The following SLC6A8 variants were observed in gnomAD, a reference collection of about 807,000 sequenced individuals.
SLC6A8 encodes solute carrier family 6 member 8, also known as sodium- and chloride-dependent creatine transporter 1.
Under a neutral mutation model 48.3 loss-of-function variants are expected in SLC6A8, and 6 were observed. The ratio of observed to expected loss-of-function variants is 0.12; its 90% confidence interval spans 0.07 to 0.25. SLC6A8 has a LOEUF of 0.25. SLC6A8 is among the 10% of genes least tolerant of loss of function. SLC6A8 has a pLI of 1.00. For synonymous variants in SLC6A8, 245 were observed against 244.0 expected (o/e 1.00, Z -0.04); for missense variants, 260 against 551.5 (o/e 0.47, Z 5.29).
chrX:153,695,585 A>G lies in SLC6A8; in HGVS notation c.*371A>G, dbSNP rs782443363. 4.6e-6 allele frequency: 1 copy of G among 218,288 alleles called. No homozygotes were observed. The highest frequency in any genetic ancestry group is 8.0e-5 in the South Asian group (1 of 12,568). The allele number at this position is 218,288 out of a possible 1,213,427, so 18.0% of individuals were successfully genotyped here. Reference sequence around the variant, plus strand: ...ACCCGTGGGTGACCCCTCACCCCAGAAGCAGCAGTGGCAGCTTGGGAAATG... The same window carrying G: ...ACCCGTGGGTGACCCCTCACCCCAGGAGCAGCAGTGGCAGCTTGGGAAATG... On this transcript the variant is annotated 3_prime_UTR_variant, in exon 13 of 13. Coordinates refer to ENST00000253122, the MANE Select transcript of SLC6A8 (RefSeq NM_005629.4).
intron 8 of SLC6A8, 54 bp downstream of exon 8, chrX:153,694,071 C>A (rs781912856): frequency 9.2e-6 from 11 of 1,198,265 alleles, no homozygotes; most frequent in Non-Finnish European, 7.9e-6. Context: ...GGGAGGGCTG[C>A]AGGCAAGGAA....
At chrX:153,689,084 C>G (rs2091440301) in intron 1 of SLC6A8, 1 of 120,404 alleles carries the variant, frequency 8.3e-6, no homozygotes, top group African/African-American at 3.2e-5. Context: ...GCCCCCCAGA[C>G]TCCCGGGCTG....
At position 153,695,947 on chromosome X, in the gene SLC6A8, G is replaced by C. The variant is rs1350998008; in HGVS notation, c.*733G>C. ...TTGCACATTTTATAAAAACTTGAGAGAATGAGATTTCTGCTTGTATATTTC... is the reference window on the plus strand; with the variant it reads ...TTGCACATTTTATAAAAACTTGAGACAATGAGATTTCTGCTTGTATATTTC... On this transcript the variant is annotated 3_prime_UTR_variant, in exon 13 of 13. Transcript: ENST00000253122. 1 of 125,199 alleles carries C rather than the reference G, an allele frequency of 8.0e-6. No homozygotes were observed. Among genetic ancestry groups the C allele is most frequent in the South Asian group, 2.7e-4 (1 of 3,723 alleles). 10.3% of individuals were successfully genotyped at this position (125,199 alleles called of 1,213,427 possible).
At position 153,690,451 on chromosome X, in the gene SLC6A8, C is replaced by A; in HGVS notation, c.339C>A (p.Gly113=). Residue 113 remains glycine (G), a synonymous_variant, in exon 2 of 13, where the codon GGC becomes GGA. Transcript: ENST00000253122. The part of the protein sequence containing the change: ...IPIFFLEISL[G]QFMKAGSINV... ...TTTTCTTCTTAGAGATCTCGCTGGG[C>A]CAGTTCATGAAGGCCGGCAGCATCA... 2 of 1,193,612 alleles carry A rather than the reference C, an allele frequency of 1.7e-6. No individual in the cohort carries two copies. Among genetic ancestry groups the A allele is most frequent in the South Asian group, 1.8e-5 (1 of 54,486 alleles).
rs1557044333 is a variant in SLC6A8 at position 153,690,902 on chromosome X, C to CCA, written c.394+397_394+398insAC. On this transcript the variant is annotated intron_variant, in intron 2 of 12. Coordinates refer to ENST00000253122, the MANE Select transcript of SLC6A8 (RefSeq NM_005629.4). ...CTCAGGCGACTAGAAACCCCCCCCCCCCACCACCACCATCAACACCAGCTG... is the reference window on the plus strand; with the variant it reads ...CTCAGGCGACTAGAAACCCCCCCCCCCACCACCACCACCATCAACACCAGCTG... 3.8e-4 allele frequency: 91 copies of CCA among 236,879 alleles called. 3 individuals are homozygous for CCA. The highest frequency in any genetic ancestry group is 1.6e-3 in the African/African-American group (48 of 30,093). 19.5% of individuals were successfully genotyped at this position (236,879 alleles called of 1,213,427 possible).
In SLC6A8 at chrX:153,696,287, G is replaced by C; in HGVS notation, c.*1073G>C. 1 of 314,677 alleles carries C rather than the reference G, an allele frequency of 3.2e-6. No homozygotes were observed. The highest frequency in any genetic ancestry group is 2.8e-5 in the South Asian group (1 of 35,794). The allele number at this position is 314,677 out of a possible 1,213,427, so 25.9% of individuals were successfully genotyped here. A position where few individuals can be genotyped will look rare whatever the true frequency, so the allele number is the denominator to read the frequency against. Reference sequence around the variant, plus strand: ...GGTGTCTGGGCTGCTAACCTGGCCTGCTCAGGCTTCCCACCCTGTGCGGGG... The same window carrying C: ...GGTGTCTGGGCTGCTAACCTGGCCTCCTCAGGCTTCCCACCCTGTGCGGGG... On this transcript the variant is annotated 3_prime_UTR_variant, in exon 13 of 13. Transcript: ENST00000253122.
intron 3 of SLC6A8, 136 bp from the exon 4 acceptor site, chrX:153,691,839 C>A (rs2091457927): frequency 1.3e-6 from 1 of 746,647 alleles, no homozygotes. Context: ...GGGCTCCAGG[C>A]CCAGCCCAAT....
chrX:153,694,904 C>A lies in SLC6A8; in HGVS notation c.1767+15C>A, dbSNP rs370331295. 2.6e-6 allele frequency: 3 copies of A among 1,132,327 alleles called. No homozygotes were observed. Among genetic ancestry groups the A allele is most frequent in the Non-Finnish European group, 3.6e-6 (3 of 843,402 alleles). The allele number at this position is 1,132,327 out of a possible 1,213,427, so 93.3% of individuals were successfully genotyped here. Reference sequence around the variant, plus strand: ...CCATGGCTGAGGTAAGGCTCCCGCCCGGCCCGCCCTCCCCTCCCCTGCTGT... The same window carrying A: ...CCATGGCTGAGGTAAGGCTCCCGCCAGGCCCGCCCTCCCCTCCCCTGCTGT... On this transcript the variant is annotated intron_variant, in intron 12 of 12. Transcript: ENST00000253122.
chrX:153,688,599 G>C lies in SLC6A8; in HGVS notation c.25G>C (p.Gly9Arg). ...CATGGCGAAGAAGAGCGCCGAGAAC[G>C]GCATCTATAGCGTGTCCGGCGACGA... MAKKSAENGIYSVSGDEKK... is the reference protein window; with the variant it reads MAKKSAENRIYSVSGDEKK... The change falls in exon 1 of 13, where the codon GGC (glycine) becomes CGC (arginine). Residue 9 changes from glycine to arginine, a missense_variant. By Grantham distance (125) the Gly-to-Arg change is moderately radical. Transcript: ENST00000253122. The C allele has an allele frequency of 9.4e-7, 1 of 1,059,338 alleles. No individual in the cohort carries two copies. The highest frequency in any genetic ancestry group is 1.2e-6 in the Non-Finnish European group (1 of 816,153). The allele number at this position is 1,059,338 out of a possible 1,213,427, so 87.3% of individuals were successfully genotyped here.
Position 153,690,490 on chromosome X carries a change from C to A in SLC6A8, c.378C>A (p.Ile126=). 1.7e-6 allele frequency: 2 copies of A among 1,185,654 alleles called. No individual in the cohort carries two copies. Among genetic ancestry groups the A allele is most frequent in the Non-Finnish European group, 2.3e-6 (2 of 881,075 alleles). ...MKAGSINVWN[I]CPLFKGLGYA... is the part of the protein sequence containing the mutation. ...CCGGCAGCATCAATGTCTGGAACAT[C>A]TGTCCCCTGTTCAAAGGTGAGCAGC... The change falls in exon 2 of 13, where the codon ATC becomes ATA. Residue 126 remains isoleucine, a synonymous_variant. Transcript: ENST00000253122.
In SLC6A8 at chrX:153,694,832, G is replaced by A. The variant is rs782662808; in HGVS notation, c.1710G>A (p.Leu570=). 2.1e-5 allele frequency: 25 copies of A among 1,208,160 alleles called. No individual in the cohort carries two copies. Among genetic ancestry groups the A allele is most frequent in the Admixed American group, 1.1e-4 (5 of 45,892 alleles). Residue 570 remains leucine, a synonymous_variant, in exon 12 of 13, where the codon CTG becomes CTA. Transcript: ENST00000253122. ...GGGCCTTCGCCCTGTCCTCCATGCTGTGCGTGCCGCTGCACCTCCTGGGCT... is the reference window on the plus strand; with the variant it reads ...GGGCCTTCGCCCTGTCCTCCATGCTATGCGTGCCGCTGCACCTCCTGGGCT... ...MGWAFALSSM[L]CVPLHLLGCL... is the part of the protein sequence containing the mutation.
At chrX:153,691,182 C>G in intron 2 of SLC6A8, 122 bp from the exon 3 acceptor site, 1 of 843,435 alleles carries the variant, frequency 1.2e-6, no homozygotes, top group Non-Finnish European at 1.7e-6. Context: ...TCAGGAGCAC[C>G]ACAAACAAGG....
rs782361856 is a variant in SLC6A8 at position 153,694,578 on chromosome X, G to A, written c.1541G>A (p.Arg514Gln). The A allele has an allele frequency of 9.1e-6, 11 of 1,204,162 alleles. No individual in the cohort carries two copies. The highest frequency in any genetic ancestry group is 3.0e-5 in the East Asian group (1 of 33,262). The change falls in exon 11 of 13, where the codon CGA becomes CAA. Residue 514 changes from arginine (R) to glutamine (Q), a missense_variant. Coordinates refer to ENST00000253122, the MANE Select transcript of SLC6A8 (RefSeq NM_005629.4). ...GACATTGCCTGTATGATCGGGTACC[G>A]ACCTTGCCCCTGGATGAAATGGTGC... is the stretch of plus-strand genomic sequence containing the variant. ...MDDIACMIGY[R>Q]PCPWMKWCWS...
chrX:153,696,462 G>C lies in SLC6A8; in HGVS notation c.*1248G>C, dbSNP rs2091493000. The C allele has an allele frequency of 3.0e-6, 1 of 330,594 alleles. No individual in the cohort carries two copies. Among genetic ancestry groups the C allele is most frequent in the African/African-American group, 2.6e-5 (1 of 38,049 alleles). The allele number at this position is 330,594 out of a possible 1,213,427, so 27.2% of individuals were successfully genotyped here. A position where few individuals can be genotyped will look rare whatever the true frequency, so the allele number is the denominator to read the frequency against. ...GAGACGGCTGAGTGACCCCAAGAAA[G>C]GCTTCCCCGACACCCAGACAGAGGC... On this transcript the variant is annotated 3_prime_UTR_variant, in exon 13 of 13. Transcript: ENST00000253122.
chrX:153,688,818 T>A lies in SLC6A8; in HGVS notation c.244T>A (p.Cys82Ser). 1 of 1,129,162 alleles carries A rather than the reference T, an allele frequency of 8.9e-7. No homozygotes were observed. Among genetic ancestry groups the A allele is most frequent in the Non-Finnish European group, 1.2e-6 (1 of 851,091 alleles). The allele number at this position is 1,129,162 out of a possible 1,213,427, so 93.1% of individuals were successfully genotyped here. A position where few individuals can be genotyped will look rare whatever the true frequency, so the allele number is the denominator to read the frequency against. Residue 82 changes from cysteine (C) to serine (S), a missense_variant, in exon 1 of 13, where the codon TGC becomes AGC. Physicochemically the swap from Cys to Ser is moderately radical, Grantham distance 112. Around this residue, in one of 7 missense-constraint regions of SLC6A8, gnomAD observed 24 missense variants for 52.0 expected, o/e 0.46. Coordinates refer to ENST00000253122, the MANE Select transcript of SLC6A8 (RefSeq NM_005629.4). ...CAACGTGTGGCGCTTCCCCTACCTG[T>A]GCTACAAGAACGGCGGAGGTGAGTT... ...LGNVWRFPYL[C>S]YKNGGGVFLI...
chrX:153,691,245 G>C, intron 2 of SLC6A8, 59 bp from the exon 3 acceptor site: 1 of 1,148,301 alleles, frequency 8.7e-7, no homozygotes, highest in Non-Finnish European at 1.2e-6. Context: ...GGACATAAAG[G>C]GGTGGCAGGG....
rs782159926 is a variant in SLC6A8 at position 153,695,232 on chromosome X, C to G, written c.*18C>G. 108 of 1,172,858 alleles carry G rather than the reference C, an allele frequency of 9.2e-5. No homozygotes were observed. The South Asian group carries it at 1.9e-3, about 21-fold the overall frequency. ...TCATGTGACAACTCAGCTCACATCA[C>G]CAGCTCACCTCTGGTAGCCATAGCA... On this transcript the variant is annotated 3_prime_UTR_variant, in exon 13 of 13. Transcript: ENST00000253122.
In SLC6A8 at chrX:153,693,590, G is replaced by T; in HGVS notation, c.1141+4G>T. 1 of 1,210,032 alleles carries T rather than the reference G, an allele frequency of 8.3e-7. No homozygotes were observed. The highest frequency in any genetic ancestry group is 1.1e-6 in the Non-Finnish European group (1 of 894,246). On this transcript the variant is annotated splice_donor_region_variant and intron_variant, in intron 7 of 12. Transcript: ENST00000253122. ...ATCTCCAAGGTGGCAGAGTCAGGTA[G>T]GGCCCTACCCCCAGCCCCGCCTCCA...
In SLC6A8 at chrX:153,691,464, C is replaced by T; in HGVS notation, c.555C>T (p.Phe185=). The T allele has an allele frequency of 8.3e-7, 1 of 1,211,763 alleles. No homozygotes were observed. Among genetic ancestry groups the T allele is most frequent in the East Asian group, 3.0e-5 (1 of 33,857 alleles). Residue 185 remains phenylalanine (F), a synonymous_variant, in exon 3 of 13, where the codon TTC becomes TTT. Coordinates refer to ENST00000253122, the MANE Select transcript of SLC6A8 (RefSeq NM_005629.4). The part of the protein sequence containing the change: ...TWNTPDCVEI[F]RHEDCANASL... ...ACACTCCCGACTGCGTGGAGATCTTCCGCCATGAAGACTGTGCCAATGCCA... is the reference window on the plus strand; with the variant it reads ...ACACTCCCGACTGCGTGGAGATCTTTCGCCATGAAGACTGTGCCAATGCCA...
Sources: gnomAD v4.1 joint callset for allele counts on GRCh38, gnomAD v4.1.1 for gene constraint, gnomAD v4.1.1 regional missense constraint, MANE v1.5 for transcripts, NCBI Gene and HGNC (gene_info 2026-07-23, HGNC 2026-07-21) for gene names.